PDE4D: variants seen among roughly 807,000 people sequenced by gnomAD.
PDE4D encodes phosphodiesterase 4D, also known as 3',5'-cyclic-AMP phosphodiesterase 4D.
PDE4D carries 24 observed loss-of-function variants against 87.4 expected under a neutral mutation model. That is an observed-to-expected ratio of 0.27 (90% CI 0.20 to 0.39). The LOEUF (loss-of-function observed/expected upper bound fraction) is 0.39, where lower values mean the gene tolerates loss of function less well. Ranked by LOEUF, PDE4D falls within the 10% of genes least tolerant of loss-of-function variation. The pLI, the probability that PDE4D is intolerant of heterozygous loss-of-function variation, is 1.00. For synonymous variants in PDE4D, 384 were observed against 383.2 expected, an observed-to-expected ratio of 1.00 and a Z score of -0.02; for missense variants, 714 against 1,041.0, an observed-to-expected ratio of 0.69 and a Z score of 4.32.
intron 1 of PDE4D, among the ~76,000 whole-genome samples, chr5:59,555,817 A>T (rs918059205): frequency 2.0e-5 from 3 of 152,068 alleles, no homozygotes; most frequent in African/African-American, 7.2e-5. Flanking sequence ...TCCTACCCTC[A>T]TCACTAATCC....
intron 1 of PDE4D, among the ~76,000 whole-genome samples, chr5:59,221,947 C>T (rs900766830): frequency 7.2e-5 from 11 of 152,134 alleles, no homozygotes; most frequent in Admixed American, 3.9e-4. Context: ...AATGATATAG[C>T]TATATTTGGT....
intron 1 of PDE4D, among the ~76,000 whole-genome samples, chr5:59,508,098 T>G (rs186876119): frequency 6.6e-6 from 1 of 152,294 alleles, no homozygotes; most frequent in East Asian, 1.9e-4. Context: ...CTAGAATTGT[T>G]TTTTGCTTTG....
Position 59,586,833 on chromosome 5 carries a change from G to T in PDE4D, c.455+306335C>A, listed in dbSNP as rs186811028. 705 of 985,394 alleles carry T rather than the reference G, an allele frequency of 7.2e-4. 1 individual carries two copies. The highest frequency in any genetic ancestry group is 8.6e-4 in the Admixed American group (14 of 16,278). 61.0% of individuals were successfully genotyped at this position (985,394 alleles called of 1,614,324 possible). On this transcript the variant is annotated intron_variant, in intron 1 of 14. Transcript: ENST00000340635. ...GTTAGAAGGGAAATGGAAAACTTCA[G>T]GTTGCTTTGCCATGCTGTCCTTTAG...
At chr5:59,985,143 T>TA (rs1179461686) in intron 3 of PDE4D, among the ~76,000 whole-genome samples, 6 of 119,458 alleles carry the variant, frequency 5.0e-5, no homozygotes, top group Admixed American at 8.8e-5. Flanking sequence ...TTTTTGTTTT[T>TA]TGTTTTTTAT....
intron 1 of PDE4D, among the ~76,000 whole-genome samples, chr5:60,339,860 T>C (rs1489415562): frequency 6.6e-6 from 1 of 152,246 alleles, no homozygotes; most frequent in Non-Finnish European, 1.5e-5. Flanking sequence ...CATGTCTGTG[T>C]TCTGCATGGA....
chr5:60,150,953 T>G (rs1014457263), intron 2 of PDE4D, among the ~76,000 whole-genome samples: 2 of 152,188 alleles, frequency 1.3e-5, no homozygotes, highest in African/African-American at 4.8e-5. Flanking sequence ...AGACACTTTG[T>G]GGGATGTAGT....
intron 1 of PDE4D, among the ~76,000 whole-genome samples, chr5:59,724,553 T>G (rs1346024382): frequency 6.6e-6 from 1 of 152,030 alleles, no homozygotes; most frequent in Non-Finnish European, 1.5e-5. Context: ...AAAATACATG[T>G]TTTTGTTTAT....
intron 3 of PDE4D, among the ~76,000 whole-genome samples, chr5:59,899,602 G>A (rs1392337672): frequency 6.6e-6 from 1 of 152,058 alleles, no homozygotes; most frequent in Non-Finnish European, 1.5e-5. Context: ...TCAGTGTTAT[G>A]AAGCAAACTG....
rs572227966 is a variant in PDE4D, at chr5:59,008,698, A to G, written c.922-15233T>C. 1.8e-3 allele frequency among the ~76,000 whole-genome samples: 281 copies of G among 152,208 alleles called. 1 individual carries two copies. The highest frequency in any genetic ancestry group is 6.4e-3 in the African/African-American group (265 of 41,582). ...GTTAGGCAAAGATTTCTTAAACCAC[A>G]AAAGCATGAAGCATAAAATAAAAAA... On this transcript the variant is annotated intron_variant, in intron 6 of 14. Coordinates refer to ENST00000340635, the MANE Select transcript of PDE4D (RefSeq NM_001104631.2).
chr5:59,689,152 C>G (rs1750450548), intron 1 of PDE4D, among the ~76,000 whole-genome samples: 1 of 152,156 alleles, frequency 6.6e-6, no homozygotes, highest in African/African-American at 2.4e-5. Flanking sequence ...CAAAAAGGAG[C>G]TGGTAACATT....
At chr5:59,260,964 T>C (rs553102571) in intron 1 of PDE4D, among the ~76,000 whole-genome samples, 187 of 146,244 alleles carry the variant, frequency 1.3e-3, no homozygotes, top group African/African-American at 4.5e-3. Context: ...CAGAGGATAG[T>C]AAATGGGATG....
intron 1 of PDE4D, chr5:60,188,327 A>G (rs891739925): frequency 6.6e-6 from 1 of 152,210 alleles, no homozygotes; most frequent in African/African-American, 2.4e-5. Context: ...TTTTCACCCT[A>G]GGAGGGATGG....
At chr5:60,245,121 T>C (rs931039510) in intron 1 of PDE4D, among the ~76,000 whole-genome samples, 3 of 151,830 alleles carry the variant, frequency 2.0e-5, no homozygotes, top group African/African-American at 4.8e-5. Context: ...AATTTAAAAA[T>C]GGGTGAAAGA....
intron 1 of PDE4D, among the ~76,000 whole-genome samples, chr5:59,512,659 G>T (rs1347926486): frequency 6.6e-6 from 1 of 151,836 alleles, no homozygotes; most frequent in Non-Finnish European, 1.5e-5. Context: ...GTTTAATATT[G>T]GATTTCCTAT....
intron 2 of PDE4D, among the ~76,000 whole-genome samples, chr5:59,207,196 GA>G (rs527735556): frequency 1.8e-3 from 273 of 150,326 alleles, no homozygotes; most frequent in African/African-American, 6.1e-3. Flanking sequence ...CAAAAGAAAA[GA>G]AAAAAAAATT....
At chr5:60,212,321 T>C (rs950284906) in intron 1 of PDE4D, among the ~76,000 whole-genome samples, 11 of 152,142 alleles carry the variant, frequency 7.2e-5, no homozygotes. Flanking sequence ...AAAAATCCTT[T>C]CCATGTTTTG....
intron 1 of PDE4D, among the ~76,000 whole-genome samples, chr5:59,834,824 AT>A (rs1389772440): frequency 2.0e-5 from 3 of 152,082 alleles, no homozygotes; most frequent in Non-Finnish European, 4.4e-5. Flanking sequence ...CTGAAGCTTC[AT>A]ACTTGAAGGG....
intron 1 of PDE4D, among the ~76,000 whole-genome samples, chr5:59,728,061 G>A (rs1459359322): frequency 6.6e-6 from 1 of 152,032 alleles, no homozygotes; most frequent in Non-Finnish European, 1.5e-5. Context: ...TTATCATACA[G>A]TAGCACCCAG....
intron 1 of PDE4D, among the ~76,000 whole-genome samples, chr5:59,890,713 G>T (rs557662025): frequency 6.6e-6 from 1 of 152,184 alleles, no homozygotes; most frequent in South Asian, 2.1e-4. Flanking sequence ...TTCAGTCTTA[G>T]CTCTAGCACT....
Sources: allele counts gnomAD v4.1 joint callset (sites outside exome capture counted in the v4.1 genomes callset), GRCh38; gene constraint gnomAD v4.1.1; transcripts MANE v1.5; gene names NCBI Gene and HGNC (gene_info 2026-07-23, HGNC 2026-07-21).